GPC6: variants seen among roughly 807,000 people sequenced by gnomAD.
GPC6 encodes the protein glypican 6.
In GPC6, 14 loss-of-function variants were observed where a neutral mutation model predicts 55.2. That is an observed-to-expected ratio of 0.25 (90% CI 0.17 to 0.40). GPC6 has a LOEUF of 0.40. GPC6 is among the 10% of genes least tolerant of loss of function. GPC6 has a pLI of 1.00. For synonymous variants in GPC6, 278 were observed against 259.6 expected (o/e 1.07, Z -0.68); for missense variants, 641 against 708.5 (o/e 0.90, Z 1.08).
At chr13:93,952,843 CATATATATACGTATATATATGT>C (rs1205175355) in intron 3 of GPC6, among the ~76,000 whole-genome samples, 3 of 142,370 alleles carry the variant, frequency 2.1e-5, no homozygotes, top group Non-Finnish European at 4.6e-5. Flanking sequence ...ATATATCACA[CATATATATACGTATATATATGT>C]ATATATATAC....
In GPC6 at chr13:94,100,141, T is replaced by C. The variant is rs117646901; in HGVS notation, c.877+72247T>C. On this transcript the variant is annotated intron_variant, in intron 4 of 8. Transcript: ENST00000377047. ...AAGAAACTGCAGATATTCGTTGATA[T>C]AATGTTCCATATTTACAGATGAAGA... is the stretch of plus-strand genomic sequence containing the variant. Among the ~76,000 whole-genome samples, 1,488 of 152,306 alleles carry C rather than the reference T, an allele frequency of 9.8e-3. 18 individuals are homozygous for C. The highest frequency in any genetic ancestry group is 0.031 in the South Asian group (152 of 4,830).
intron 1 of GPC6, among the ~76,000 whole-genome samples, chr13:93,523,298 A>ATATAT (rs144931751): frequency 0.057 from 8,526 of 150,666 alleles, 795 homozygotes; most frequent in African/African-American, 0.2. Flanking sequence ...TGTAAATAAC[A>ATATAT]TATAAGGGTA....
At chr13:93,966,039 C>T (rs1359224847) in intron 3 of GPC6, among the ~76,000 whole-genome samples, 1 of 152,208 alleles carries the variant, frequency 6.6e-6, no homozygotes, top group Non-Finnish European at 1.5e-5. Context: ...CCATGATCCT[C>T]TGACATAAAC....
intron 3 of GPC6, among the ~76,000 whole-genome samples, chr13:93,851,705 G>A (rs1372772051): frequency 6.6e-6 from 1 of 151,682 alleles, no homozygotes; most frequent in African/African-American, 2.4e-5. Context: ...CATTATGTTT[G>A]TATTTACTCT....
At chr13:93,448,591 A>G (rs896558836) in intron 1 of GPC6, among the ~76,000 whole-genome samples, 3 of 152,224 alleles carry the variant, frequency 2.0e-5, no homozygotes, top group African/African-American at 7.2e-5. Context: ...TTATCCAGAT[A>G]CTAATTAAAT....
At chr13:93,532,267 T>C (rs564523708) in intron 1 of GPC6, among the ~76,000 whole-genome samples, 1 of 152,308 alleles carries the variant, frequency 6.6e-6, no homozygotes, top group African/African-American at 2.4e-5. Context: ...AAGATCTTTC[T>C]ATTCATTATC....
intron 4 of GPC6, among the ~76,000 whole-genome samples, chr13:94,225,650 G>A (rs1051361611): frequency 2.2e-5 from 3 of 136,912 alleles, no homozygotes; most frequent in South Asian, 4.8e-4. Context: ...ATATATATAT[G>A]TGTGTGTGTA....
chr13:93,937,125 G>A (rs1320623788), intron 3 of GPC6, among the ~76,000 whole-genome samples: 1 of 152,096 alleles, frequency 6.6e-6, no homozygotes. Flanking sequence ...CTCCACATTG[G>A]GCTATTGCAT....
At chr13:93,604,216 T>G (rs1366353323) in intron 2 of GPC6, among the ~76,000 whole-genome samples, 1 of 152,206 alleles carries the variant, frequency 6.6e-6, no homozygotes, top group Non-Finnish European at 1.5e-5. Context: ...AAGTAACAAA[T>G]TATCAAGCAA....
At chr13:93,518,686 G>GAGCCTTTGTTTTCTTCTCTGCA (rs1881298394) in intron 1 of GPC6, among the ~76,000 whole-genome samples, 1 of 151,954 alleles carries the variant, frequency 6.6e-6, no homozygotes, top group South Asian at 2.1e-4. Flanking sequence ...AAGCCTCTGT[G>GAGCCTTTGTTTTCTTCTCTGCA]AGCCTTTGTT....
At chr13:93,357,511 C>T (rs1226785583) in intron 1 of GPC6, among the ~76,000 whole-genome samples, 1 of 152,160 alleles carries the variant, frequency 6.6e-6, no homozygotes, top group Non-Finnish European at 1.5e-5. Context: ...TTTGGCACCA[C>T]ATTATTCTCT....
At chr13:93,826,445 A>G (rs575055806) in intron 2 of GPC6, among the ~76,000 whole-genome samples, 1 of 152,232 alleles carries the variant, frequency 6.6e-6, no homozygotes, top group African/African-American at 2.4e-5. Flanking sequence ...TGGGTTCCGA[A>G]AGGATATAGA....
At chr13:93,944,178 ATT>A (rs1878876944) in intron 3 of GPC6, among the ~76,000 whole-genome samples, 1 of 8,468 alleles carries the variant, frequency 1.2e-4, no homozygotes, top group East Asian at 2.5e-3. Context: ...TATTTTATTT[ATT>A]TATTTATTTA....
chr13:93,642,428 A>G (rs572867730), intron 2 of GPC6, among the ~76,000 whole-genome samples: 1 of 152,052 alleles, frequency 6.6e-6, no homozygotes, highest in East Asian at 1.9e-4. Context: ...TATTTTTGCT[A>G]TTGGGAATAG....
At chr13:93,746,080 C>T (rs1284711602) in intron 2 of GPC6, among the ~76,000 whole-genome samples, 2 of 152,144 alleles carry the variant, frequency 1.3e-5, no homozygotes, top group African/African-American at 2.4e-5. Context: ...AACCACATAC[C>T]GCTTAGTCTA....
At chr13:93,375,553 A>G (rs1479096032) in intron 1 of GPC6, among the ~76,000 whole-genome samples, 2 of 151,890 alleles carry the variant, frequency 1.3e-5, no homozygotes, top group Admixed American at 1.3e-4. Flanking sequence ...TCTCCAGTGT[A>G]CTCCTGCCAC....
intron 1 of GPC6, among the ~76,000 whole-genome samples, chr13:93,439,396 G>T (rs1877691762): frequency 6.6e-6 from 1 of 152,076 alleles, no homozygotes; most frequent in African/African-American, 2.4e-5. Context: ...TAGTGAATAA[G>T]TCTCATAAGA....
chr13:93,874,923 G>A (rs991247029), intron 3 of GPC6, among the ~76,000 whole-genome samples: 2 of 151,714 alleles, frequency 1.3e-5, no homozygotes, highest in African/African-American at 2.4e-5. Flanking sequence ...TTATCTTAAC[G>A]TACTTCACTC....
chr13:94,069,393 G>T (rs1273716640), intron 4 of GPC6, among the ~76,000 whole-genome samples: 1 of 152,044 alleles, frequency 6.6e-6, no homozygotes, highest in Non-Finnish European at 1.5e-5. Flanking sequence ...GATGGGAGGG[G>T]CTGCAGCAAA....
Sources: allele counts gnomAD v4.1 joint callset (sites outside exome capture counted in the v4.1 genomes callset), GRCh38; gene constraint gnomAD v4.1.1; transcripts MANE v1.5; gene names NCBI Gene and HGNC (gene_info 2026-07-23, HGNC 2026-07-21).